The following FHAD1 variants were observed in gnomAD, a reference collection of about 807,000 sequenced individuals.
The protein encoded by FHAD1 is forkhead-associated domain-containing protein 1.
Under a neutral mutation model 191.3 loss-of-function variants are expected in FHAD1, and 146 were observed. The observed-to-expected ratio is 0.76, with a 90% CI of 0.67 to 0.88. FHAD1 has a LOEUF of 0.88. FHAD1 is among the 40% of genes least tolerant of loss of function. The pLI, the probability that FHAD1 is intolerant of heterozygous loss-of-function variation, is 0.00. For synonymous variants in FHAD1, 616 were observed against 672.3 expected (o/e 0.92, Z 1.29); for missense variants, 1,635 against 1,785.8 (o/e 0.92, Z 1.52).
intron 25 of FHAD1, 146 bp from the exon 26 acceptor site, chr1:15,369,224 T>G (rs1697412297): frequency 1.9e-6 from 2 of 1,048,562 alleles, no homozygotes; most frequent in African/African-American, 1.6e-5. Flanking sequence ...GAAACTGAAT[T>G]CTCTAGAAAT....
intron 32 of FHAD1, among the ~76,000 whole-genome samples, chr1:15,390,588 AG>A (rs1158799546): frequency 3.3e-5 from 5 of 151,976 alleles, no homozygotes; most frequent in African/African-American, 1.2e-4. Flanking sequence ...GATCTCTGAG[AG>A]GGGGGCCCAG....
rs183518381 is a variant in FHAD1 at position 15,397,130 on chromosome 1, G to A, written c.4324-167G>A. On this transcript the variant is annotated intron_variant, in intron 33 of 33. Transcript: ENST00000688493. ...GGCATGAACCCAGGAGGCGGAGCTT[G>A]CAGTGAGCCGAGATCACACCACTGC... Among the ~76,000 whole-genome samples, 449 of 151,632 alleles carry A rather than the reference G, an allele frequency of 3.0e-3. 1 individual carries two copies. Among genetic ancestry groups the A allele is most frequent in the African/African-American group, 0.01 (427 of 41,394 alleles).
In FHAD1 at chr1:15,312,664, G is replaced by GA. The variant is rs1280886001; in HGVS notation, c.1040-387dup. Among the ~76,000 whole-genome samples, 4 of 152,114 alleles carry GA rather than the reference G, an allele frequency of 2.6e-5. No individual in the cohort carries two copies. Among genetic ancestry groups the GA allele is most frequent in the African/African-American group, 9.7e-5 (4 of 41,442 alleles). ...GTGACAGAGTAAGACCCTGTCTCAA[G>GA]AAAAAAGACGACTGAGCTAGTAAGT... On this transcript the variant is annotated intron_variant, in intron 7 of 33. Coordinates refer to ENST00000688493, the MANE Select transcript of FHAD1 (RefSeq NM_001391957.1). The surrounding 1 kb of genome is among the most constrained non-coding windows in gnomAD (Gnocchi z 4.7).
rs1055704851 is a variant in FHAD1 at position 15,311,110 on chromosome 1, C to T, written c.1040-1947C>T. Reference sequence around the variant, plus strand: ...TCTACGATTGCCCCCGGCTGGCTTGCGCTGGAGAGAGTTTCCAGACCACAG... The same window carrying T: ...TCTACGATTGCCCCCGGCTGGCTTGTGCTGGAGAGAGTTTCCAGACCACAG... On this transcript the variant is annotated intron_variant, in intron 7 of 33. Transcript: ENST00000688493. The surrounding 1 kb of genome is among the most constrained non-coding windows in gnomAD (Gnocchi z 4.1). Among the ~76,000 whole-genome samples, 3 of 152,180 alleles carry T rather than the reference C, an allele frequency of 2.0e-5. No homozygotes were observed. The highest frequency in any genetic ancestry group is 6.5e-5 in the Admixed American group (1 of 15,272).
intron 22 of FHAD1, among the ~76,000 whole-genome samples, chr1:15,361,060 G>T (rs1694645597): frequency 6.6e-6 from 1 of 152,096 alleles, no homozygotes; most frequent in South Asian, 2.1e-4. Flanking sequence ...TCTGCCATCG[G>T]CCTTTTGCAT....
At chr1:15,347,220 GT>G (rs764216160) in intron 18 of FHAD1, among the ~76,000 whole-genome samples, 2 of 152,226 alleles carry the variant, frequency 1.3e-5, no homozygotes, top group Non-Finnish European at 2.9e-5. Flanking sequence ...TCTCCAAAGA[GT>G]TACTTGAGTC....
intron 28 of FHAD1, among the ~76,000 whole-genome samples, chr1:15,377,993 T>A (rs1700049395): frequency 6.6e-6 from 1 of 151,826 alleles, no homozygotes; most frequent in Admixed American, 6.6e-5. Flanking sequence ...GTTATCCCCG[T>A]TTTACAGATA....
chr1:15,315,323 A>T (rs1033563750), intron 8 of FHAD1: 2 of 152,138 alleles, frequency 1.3e-5, no homozygotes, highest in African/African-American at 4.8e-5. Flanking sequence ...TAACAGATAT[A>T]TAACAACAAA....
chr1:15,305,530 T>C lies in FHAD1; in HGVS notation c.916-3083T>C, dbSNP rs192594290. Among the ~76,000 whole-genome samples, 196 of 152,272 alleles carry C rather than the reference T, an allele frequency of 1.3e-3. 2 individuals carry two copies. Among genetic ancestry groups the C allele is most frequent in the African/African-American group, 3.4e-3 (141 of 41,560 alleles). On this transcript the variant is annotated intron_variant, in intron 6 of 33. Transcript: ENST00000688493. ...CCCCTCTGAGTCTTGATTTCCTCAC[T>C]TGCAAAATGGGAGCTGATGTGGTTT...
chr1:15,239,498 G>T (rs1227978643), intron 1 of FHAD1, among the ~76,000 whole-genome samples: 1 of 152,204 alleles, frequency 6.6e-6, no homozygotes, highest in Non-Finnish European at 1.5e-5. Flanking sequence ...TGAGGCAGGG[G>T]AATCGCTTGA....
upstream of FHAD1, among the ~76,000 whole-genome samples, chr1:15,242,603 A>G (rs1474123140): frequency 6.6e-6 from 1 of 152,204 alleles, no homozygotes. Context: ...AATCACCTCT[A>G]GTTGTGACTA....
rs1343718524 is a variant in FHAD1, at chr1:15,367,633, C to T, written c.3314+11C>T. On this transcript the variant is annotated intron_variant, in intron 25 of 33. Transcript: ENST00000688493. ...TGAGGAGGCACTCAGGTTGGGTGGGCGGGGGCCGGGTTGGGGGGATGGTTT... is the reference window on the plus strand; with the variant it reads ...TGAGGAGGCACTCAGGTTGGGTGGGTGGGGGCCGGGTTGGGGGGATGGTTT... 8.8e-5 allele frequency: 12 copies of T among 136,448 alleles called. No individual in the cohort carries two copies. The highest frequency in any genetic ancestry group is 1.7e-3 in the Middle Eastern group (1 of 572). The allele number at this position is 136,448 out of a possible 1,614,324, so 8.5% of individuals were successfully genotyped here. A position where few individuals can be genotyped will look rare whatever the true frequency, so the allele number is the denominator to read the frequency against.
chr1:15,287,403 G>T (rs575971106), intron 3 of FHAD1, among the ~76,000 whole-genome samples: 1 of 152,176 alleles, frequency 6.6e-6, no homozygotes, highest in African/African-American at 2.4e-5. Flanking sequence ...CCCCAGGGCT[G>T]GGGAGGCCTC....
chr1:15,281,570 A>C (rs1660590901), intron 3 of FHAD1, among the ~76,000 whole-genome samples: 1 of 151,896 alleles, frequency 6.6e-6, no homozygotes, highest in African/African-American at 2.4e-5. Context: ...CACCAGTCTG[A>C]CCAACATGGC....
intron 1 of FHAD1, among the ~76,000 whole-genome samples, chr1:15,240,905 C>T (rs1645273087): frequency 7.1e-6 from 1 of 139,974 alleles, no homozygotes; most frequent in South Asian, 2.3e-4. Context: ...TGCAGTGAGC[C>T]AAGATCATGC....
chr1:15,365,915 A>G lies in FHAD1; in HGVS notation c.3136A>G (p.Arg1046Gly), dbSNP rs1696274137. 4.5e-6 allele frequency: 7 copies of G among 1,551,072 alleles called. No individual in the cohort carries two copies. Among genetic ancestry groups the G allele is most frequent in the African/African-American group, 1.4e-5 (1 of 73,038 alleles). The part of the protein sequence containing the change: ...LRKDLTEAHS[R>G]MSDLRGELNE... ...GAAAGACCTTACCGAAGCCCACAGC[A>G]GAATGTCGGATTTGAGAGGTTTGAA... is the stretch of plus-strand genomic sequence containing the variant. Residue 1046 changes from arginine (R) to glycine (G), a missense_variant, in exon 24 of 34, where the codon AGA becomes GGA. Arg to Gly is a moderately radical substitution (Grantham distance 125, BLOSUM62 -2). Transcript: ENST00000688493.
At chr1:15,387,384 G>A (rs1010935321) in intron 31 of FHAD1, among the ~76,000 whole-genome samples, 6 of 152,148 alleles carry the variant, frequency 3.9e-5, no homozygotes, top group Non-Finnish European at 5.9e-5. Context: ...TGGTAACCAC[G>A]CGCCCTCACC....
At chr1:15,363,311 A>C (rs976354986) in intron 23 of FHAD1, among the ~76,000 whole-genome samples, 2 of 152,194 alleles carry the variant, frequency 1.3e-5, no homozygotes, top group African/African-American at 4.8e-5. Context: ...CAAATCTATT[A>C]ATCCATAATT....
chr1:15,389,465 A>AC (rs1703306936), intron 32 of FHAD1, among the ~76,000 whole-genome samples: 1 of 151,150 alleles, frequency 6.6e-6, no homozygotes, highest in African/African-American at 2.4e-5. Context: ...AAAAAAAAAA[A>AC]AAACCTGCTG....
Sources: allele counts gnomAD v4.1 joint callset (sites outside exome capture counted in the v4.1 genomes callset), GRCh38; gene constraint gnomAD v4.1.1; non-coding constraint Gnocchi (gnomAD v3.1); transcripts MANE v1.5; gene names NCBI Gene and HGNC (gene_info 2026-07-23, HGNC 2026-07-21).